The following DNA2 variants were observed in gnomAD, a reference collection of about 807,000 sequenced individuals.
DNA2 encodes DNA replication ATP-dependent helicase/nuclease DNA2.
DNA2 carries 101 observed loss-of-function variants against 119.1 expected under a neutral mutation model. The ratio of observed to expected loss-of-function variants is 0.85; its 90% CI spans 0.72 to 1.00. DNA2 has a LOEUF of 1.00. DNA2 is among the 50% of genes least tolerant of loss of function. The probability of loss-of-function intolerance (pLI) is 0.00; values close to 1 mark genes in which losing one functional copy is unlikely to be tolerated. For synonymous variants in DNA2, 366 were observed against 424.4 expected (o/e 0.86, Z 1.69); for missense variants, 1,121 against 1,255.5 (o/e 0.89, Z 1.62).
chr10:68,432,314 T>G lies in DNA2; in HGVS notation c.1765A>C (p.Lys589Gln), dbSNP rs2051833262. ...TCAATAATTAAATCTCGAAGTTTTT[T>G]GCTGAAAAGTGAAAAAGCACTTTTA... ...SKLMENTFVS[K>Q]KLRDLIIDFR... Residue 589 changes from lysine to glutamine, a missense_variant and splice_region_variant, in exon 12 of 21, where the codon AAA becomes CAA. Physicochemically the swap from Lys to Gln is moderately conservative, Grantham distance 53 (BLOSUM62 1). Transcript: ENST00000358410. 6.3e-7 allele frequency: 1 copy of G among 1,593,680 alleles called. No individual in the cohort carries two copies. The highest frequency in any genetic ancestry group is 8.5e-7 in the Non-Finnish European group (1 of 1,171,862).
chr10:68,445,208 T>A, intron 7 of DNA2, 125 bp from the exon 8 acceptor site: 1 of 880,548 alleles, frequency 1.1e-6, no homozygotes, highest in Non-Finnish European at 1.7e-6. Context: ...CTTACGCCTG[T>A]AATCCCAACA....
chr10:68,429,363 G>A lies in DNA2; in HGVS notation c.2208+1073C>T, dbSNP rs1034551849. Among the ~76,000 whole-genome samples the A allele has an allele frequency of 2.6e-5, 4 of 151,780 alleles. No individual in the cohort carries two copies. The East Asian group carries it at 5.8e-4, about 22-fold the overall frequency. On this transcript the variant is annotated intron_variant, in intron 14 of 20. Transcript: ENST00000358410. Reference sequence around the variant, plus strand: ...AGTGCGAGACCAGCCTGACCAACACGGAGAAACCCTGTCTCTACTAAAAAT... The same window carrying A: ...AGTGCGAGACCAGCCTGACCAACACAGAGAAACCCTGTCTCTACTAAAAAT...
In DNA2 at chr10:68,450,106, C is replaced by G. The variant is rs754658399; in HGVS notation, c.861G>C (p.Gly287=). The G allele has an allele frequency of 1.2e-6, 2 of 1,603,078 alleles. No individual in the cohort carries two copies. The highest frequency in any genetic ancestry group is 2.2e-5 in the East Asian group (1 of 44,688). ...GCATTATCTTGTATTTTGTTTTATA[C>G]CCTCGATGTATTTTCACACCAACTG... ...DVTVGVKIHR[G]YKTKYKIMPL... is the part of the protein sequence containing the mutation. Residue 287 remains glycine, a synonymous_variant, in exon 6 of 21, where the codon GGG becomes GGC. Coordinates refer to ENST00000358410, the MANE Select transcript of DNA2 (RefSeq NM_001080449.3).
In DNA2 at chr10:68,470,178, T is replaced by G. The variant is rs780669073; in HGVS notation, c.75-15A>C. ...TCTTCTGAAATCTAAAGCACACACA[T>G]ACAAAACTATTTTAGCACAACCATG... On this transcript the variant is annotated splice_polypyrimidine_tract_variant and intron_variant, in intron 1 of 20. Coordinates refer to ENST00000358410, the MANE Select transcript of DNA2 (RefSeq NM_001080449.3). 2 of 1,572,222 alleles carry G rather than the reference T, an allele frequency of 1.3e-6. No homozygotes were observed. Among genetic ancestry groups the G allele is most frequent in the Non-Finnish European group, 8.6e-7 (1 of 1,166,072 alleles).
intron 19 of DNA2, 115 bp downstream of exon 19, chr10:68,418,919 C>T (rs1277512763): frequency 2.7e-5 from 23 of 841,946 alleles, no homozygotes; most frequent in Non-Finnish European, 3.2e-5. Context: ...GTGATCCACC[C>T]GCCTTGGCCT....
intron 4 of DNA2, among the ~76,000 whole-genome samples, chr10:68,460,056 CACACAT>C (rs1172166462): frequency 1.0e-3 from 155 of 151,462 alleles, no homozygotes; most frequent in African/African-American, 3.6e-3. Flanking sequence ...CACACACACA[CACACAT>C]ACAAGTTAAC....
chr10:68,438,720 T>C (rs1278536942), intron 9 of DNA2, among the ~76,000 whole-genome samples: 7 of 151,972 alleles, frequency 4.6e-5, no homozygotes, highest in Non-Finnish European at 1.5e-5. Context: ...GATCCAATTA[T>C]TTCTGAAGTC....
intron 14 of DNA2, chr10:68,424,526 C>T (rs746757851): frequency 3.4e-6 from 2 of 589,036 alleles, no homozygotes; most frequent in Admixed American, 2.3e-5. Flanking sequence ...AAAAACAAAA[C>T]AGGCCTGAGG....
At chr10:68,457,503 C>T (rs1182115501) in intron 5 of DNA2, among the ~76,000 whole-genome samples, 1 of 152,068 alleles carries the variant, frequency 6.6e-6, no homozygotes, top group Non-Finnish European at 1.5e-5. Context: ...TCTTCTTATC[C>T]TCCTCATTGT....
Position 68,444,941 on chromosome 10 carries a change from G to A in DNA2, c.1200C>T (p.Gly400=). 1 of 1,613,160 alleles carries A rather than the reference G, an allele frequency of 6.2e-7. No homozygotes were observed. The highest frequency in any genetic ancestry group is 8.5e-7 in the Non-Finnish European group (1 of 1,179,460). The change falls in exon 8 of 21, where the codon GGC becomes GGT. Residue 400 remains glycine (G), a synonymous_variant. Transcript: ENST00000358410. ...TTTACCTGCTATAAAGAGCACAATT[G>A]CCAATTTGTGAACAATATTTACAAG... ...EKTCKYCSQI[G]NCALYSRAVE... is the part of the protein sequence containing the mutation.
At chr10:68,464,828 T>TAAA (rs2052306136) in intron 4 of DNA2, among the ~76,000 whole-genome samples, 1 of 17,726 alleles carries the variant, frequency 5.6e-5, no homozygotes, top group Admixed American at 1.2e-3. Flanking sequence ...AAACTCCACC[T>TAAA]CAAAAAAAAA....
chr10:68,447,208 T>TA (rs1048065219), intron 6 of DNA2, among the ~76,000 whole-genome samples: 11 of 151,742 alleles, frequency 7.2e-5, no homozygotes, highest in Admixed American at 5.9e-4. Flanking sequence ...GACATGTATG[T>TA]AAAAAAAGTT....
At chr10:68,422,148 G>A in intron 17 of DNA2, 77 bp downstream of exon 17, 1 of 1,165,062 alleles carries the variant, frequency 8.6e-7, no homozygotes, top group Non-Finnish European at 1.2e-6. Context: ...TCTAATTAGG[G>A]CATGTGCTAA....
chr10:68,468,078 A>G, intron 3 of DNA2, 45 bp downstream of exon 3: 1 of 1,388,324 alleles, frequency 7.2e-7, no homozygotes, highest in Non-Finnish European at 9.6e-7. Context: ...GTGCTCTGTA[A>G]AACTCTCAGA....
intron 8 of DNA2, among the ~76,000 whole-genome samples, chr10:68,443,588 T>C (rs1436875859): frequency 6.6e-6 from 1 of 152,216 alleles, no homozygotes; most frequent in Non-Finnish European, 1.5e-5. Context: ...CAAAGAAATA[T>C]GCCCAGACTT....
At chr10:68,457,044 G>C (rs1295563188) in intron 5 of DNA2, among the ~76,000 whole-genome samples, 1 of 151,408 alleles carries the variant, frequency 6.6e-6, no homozygotes, top group Non-Finnish European at 1.5e-5. Context: ...TGAGGCAGGA[G>C]AATGGCGTGA....
At chr10:68,430,045 G>A (rs939219914) in intron 14 of DNA2, among the ~76,000 whole-genome samples, 6 of 151,426 alleles carry the variant, frequency 4.0e-5, no homozygotes, top group East Asian at 2.0e-4. Flanking sequence ...CACCACGCCC[G>A]GCTAATTTTT....
Position 68,431,855 on chromosome 10 carries a change from A to G in DNA2, c.1983+7T>C. On this transcript the variant is annotated splice_region_variant and intron_variant, in intron 13 of 20. Transcript: ENST00000358410. Reference sequence around the variant, plus strand: ...TTTGTCTCTAAGCAGAAGAATAATAACCTTACGAGAGTACATATCGTAGTT... The same window carrying G: ...TTTGTCTCTAAGCAGAAGAATAATAGCCTTACGAGAGTACATATCGTAGTT... 6.4e-7 allele frequency: 1 copy of G among 1,573,716 alleles called. No individual in the cohort carries two copies. The highest frequency in any genetic ancestry group is 8.7e-7 in the Non-Finnish European group (1 of 1,147,386).
chr10:68,422,176 A>C (rs2051673677), intron 17 of DNA2, 49 bp downstream of exon 17: 2 of 1,401,224 alleles, frequency 1.4e-6, no homozygotes, highest in African/African-American at 2.9e-5. Flanking sequence ...TGAGAAATTT[A>C]AATAATAGGA....
Sources: allele counts gnomAD v4.1 joint callset (sites outside exome capture counted in the v4.1 genomes callset), GRCh38; gene constraint gnomAD v4.1.1; transcripts MANE v1.5; gene names NCBI Gene and HGNC (gene_info 2026-07-23, HGNC 2026-07-21).